Variants in ERP29 observed in about 807,000 individuals in gnomAD.
ERP29 encodes the protein endoplasmic reticulum protein 29.
ERP29 carries 14 observed loss-of-function variants against 21.7 expected under a neutral mutation model. The ratio of observed to expected loss-of-function variants is 0.64; its 90% CI spans 0.43 to 1.01. The LOEUF (loss-of-function observed/expected upper bound fraction) is 1.01. ERP29 is among the 50% of genes least tolerant of loss of function. The probability of loss-of-function intolerance (pLI) is 0.00; values close to 1 mark genes in which losing one functional copy is unlikely to be tolerated. For synonymous variants in ERP29, 129 were observed against 139.1 expected (o/e 0.93, Z 0.51); for missense variants, 286 against 327.3 (o/e 0.87, Z 0.97).
Position 112,022,815 on chromosome 12 carries a change from A to G in ERP29, c.*163A>G, listed in dbSNP as rs1302649670. ...CCTGGACATTGATGCTAACATGACCATGCTTGGGATGTCTCTAGCTGGTCT... is the reference window on the plus strand; with the variant it reads ...CCTGGACATTGATGCTAACATGACCGTGCTTGGGATGTCTCTAGCTGGTCT... On this transcript the variant is annotated 3_prime_UTR_variant, in exon 3 of 3. Coordinates refer to ENST00000261735, the MANE Select transcript of ERP29 (RefSeq NM_006817.4). 5 of 688,730 alleles carry G rather than the reference A, an allele frequency of 7.3e-6. No homozygotes were observed. Among genetic ancestry groups the G allele is most frequent in the Non-Finnish European group, 1.2e-5 (5 of 418,514 alleles). 42.7% of individuals were successfully genotyped at this position (688,730 alleles called of 1,614,324 possible). A position where few individuals can be genotyped will look rare whatever the true frequency, so the allele number is the denominator to read the frequency against.
chr12:112,014,610 A>C (rs2077988172), intron 1 of ERP29: 1 of 152,196 alleles, frequency 6.6e-6, no homozygotes, highest in Non-Finnish European at 1.5e-5. Flanking sequence ...TCCTGGCCTG[A>C]GTAAATGGAC....
At chr12:112,022,045 C>T (rs80350869) in intron 2 of ERP29, 105 bp from the exon 3 acceptor site, 81,508 of 1,175,850 alleles carry the variant, frequency 0.069, 3,134 homozygotes, top group Middle Eastern at 0.13. Context: ...AACCATTACA[C>T]GGCCAAGAAA....
At chr12:112,021,469 TTTG>T (rs1386238236) in intron 2 of ERP29, among the ~76,000 whole-genome samples, 2 of 151,938 alleles carry the variant, frequency 1.3e-5, no homozygotes, top group African/African-American at 4.8e-5. Flanking sequence ...TGTTTATGTG[TTTG>T]TTATGTCTCT....
rs2078058235 is a variant in ERP29 at position 112,022,650 on chromosome 12, TA to T, written c.*3del. On this transcript the variant is annotated frameshift_variant and stop_lost, in exon 3 of 3. Transcript: ENST00000261735. LOFTEE classifies it high-confidence loss of function. ...GAAGGGGGCCGAGAAAGAGGAGCTG[TA>T]AAAAGGCTGTCTGTGATTTTCCAGG... ...QKKGAEKEEL[*>X] 6.2e-7 allele frequency: 1 copy of T among 1,601,638 alleles called. No homozygotes were observed. Among genetic ancestry groups the T allele is most frequent in the Non-Finnish European group, 8.5e-7 (1 of 1,173,840 alleles).
intron 1 of ERP29, among the ~76,000 whole-genome samples, chr12:112,017,783 CTT>C (rs1179680378): frequency 1.7e-4 from 21 of 124,126 alleles, no homozygotes; most frequent in Admixed American, 3.3e-4. Context: ...CTTTTTTTTT[CTT>C]TTTTTTTTTT....
At chr12:112,014,064 A>G (rs577008462) in intron 1 of ERP29, among the ~76,000 whole-genome samples, 12 of 152,270 alleles carry the variant, frequency 7.9e-5, no homozygotes, top group Admixed American at 4.6e-4. Flanking sequence ...CCCTCTTCCC[A>G]GGGTTGGATT....
chr12:112,019,680 C>T, intron 1 of ERP29, 76 bp from the exon 2 acceptor site: 1 of 1,564,006 alleles, frequency 6.4e-7, no homozygotes, highest in Non-Finnish European at 8.8e-7. Flanking sequence ...ATTTCTTAAA[C>T]AGGGGCCCCT....
At chr12:112,019,322 C>T (rs2078030847) in intron 1 of ERP29, 1 of 253,152 alleles carries the variant, frequency 4.0e-6, no homozygotes, top group East Asian at 1.0e-4. Flanking sequence ...AAGCGTCCTC[C>T]ATGATGCCAA....
intron 1 of ERP29, among the ~76,000 whole-genome samples, chr12:112,017,454 TAAAG>T (rs2078018300): frequency 6.6e-6 from 1 of 152,044 alleles, no homozygotes; most frequent in Admixed American, 6.5e-5. Flanking sequence ...CCTTGAACGA[TAAAG>T]AGATAACCAT....
At chr12:112,016,923 CAA>C (rs1389448088) in intron 1 of ERP29, among the ~76,000 whole-genome samples, 4 of 151,988 alleles carry the variant, frequency 2.6e-5, no homozygotes, top group African/African-American at 7.2e-5. Context: ...ACTAAGATAA[CAA>C]GAGAAAATTC....
At chr12:112,020,211 G>C (rs1489976329) in intron 2 of ERP29, among the ~76,000 whole-genome samples, 1 of 152,086 alleles carries the variant, frequency 6.6e-6, no homozygotes, top group Non-Finnish European at 1.5e-5. Context: ...CTGGGCAGAG[G>C]GGGTGCTATG....
chr12:112,022,637 G>A lies in ERP29; in HGVS notation c.771G>A (p.Glu257=), dbSNP rs746335215. 3 of 1,609,096 alleles carry A rather than the reference G, an allele frequency of 1.9e-6. No individual in the cohort carries two copies. The highest frequency in any genetic ancestry group is 1.1e-5 in the South Asian group (1 of 90,516). ...CTGCCTTCCAGAAGAAGGGGGCCGA[G>A]AAAGAGGAGCTGTAAAAAGGCTGTC... The part of the protein sequence containing the change: ...ILTAFQKKGA[E]KEEL Residue 257 remains glutamate (E), a synonymous_variant, in exon 3 of 3, where the codon GAG becomes GAA. Coordinates refer to ENST00000261735, the MANE Select transcript of ERP29 (RefSeq NM_006817.4).
intron 1 of ERP29, among the ~76,000 whole-genome samples, chr12:112,014,258 A>G (rs904663509): frequency 1.3e-5 from 2 of 152,254 alleles, no homozygotes; most frequent in Admixed American, 6.5e-5. Flanking sequence ...AGCTAGCACT[A>G]CAGCCTGAGC....
chr12:112,020,724 C>G (rs1262143391), intron 2 of ERP29, among the ~76,000 whole-genome samples: 3 of 152,162 alleles, frequency 2.0e-5, no homozygotes, highest in African/African-American at 7.2e-5. Flanking sequence ...TCCCTTGGTG[C>G]TTTTATTAGA....
Position 112,019,769 on chromosome 12 carries a change from G to A in ERP29, c.158G>A (p.Ser53Asn). ...TVTFYKVIPK[S>N]KFVLVKFDTQ... ...ATACGCCCTCAGGTCATTCCCAAAA[G>A]CAAGTTCGTCTTGGTGAAGTTCGAC... The change falls in exon 2 of 3, where the codon AGC becomes AAC. Residue 53 changes from serine to asparagine, a missense_variant. Physicochemically the swap from Ser to Asn is conservative, Grantham distance 46. Transcript: ENST00000261735. 1 of 1,614,042 alleles carries A rather than the reference G, an allele frequency of 6.2e-7. No individual in the cohort carries two copies. Among genetic ancestry groups the A allele is most frequent in the Non-Finnish European group, 8.5e-7 (1 of 1,180,004 alleles).
intron 1 of ERP29, among the ~76,000 whole-genome samples, chr12:112,015,730 T>C (rs1363866634): frequency 6.6e-6 from 1 of 152,206 alleles, no homozygotes. Flanking sequence ...CAATAGCCTC[T>C]TCTCTGGTCT....
At chr12:112,021,376 C>T (rs913368962) in intron 2 of ERP29, among the ~76,000 whole-genome samples, 1 of 152,312 alleles carries the variant, frequency 6.6e-6, no homozygotes, top group African/African-American at 2.4e-5. Flanking sequence ...ACAGGGAGGC[C>T]TGCCTTGACC....
intron 1 of ERP29, among the ~76,000 whole-genome samples, chr12:112,018,574 T>C (rs2078027383): frequency 6.6e-6 from 1 of 152,196 alleles, no homozygotes; most frequent in Admixed American, 6.5e-5. Flanking sequence ...AACTTGTGCA[T>C]TGGGAGAAAC....
chr12:112,022,386 G>A lies in ERP29; in HGVS notation c.520G>A (p.Val174Met). 6.2e-7 allele frequency: 1 copy of A among 1,614,184 alleles called. No individual in the cohort carries two copies. The highest frequency in any genetic ancestry group is 8.5e-7 in the Non-Finnish European group (1 of 1,180,006). ...CGGGGAGTTCATCAGGGCCTCTGGT[G>A]TGGAGGCCCGCCAGGCCCTCTTGAA... is the stretch of plus-strand genomic sequence containing the variant. Reference protein sequence around the residue: ...LAGEFIRASGVEARQALLKQG... With the variant: ...LAGEFIRASGMEARQALLKQG... The change falls in exon 3 of 3, where the codon GTG (valine) becomes ATG (methionine). Residue 174 changes from valine (V) to methionine (M), a missense_variant. By Grantham distance (21) the Val-to-Met change is conservative. Transcript: ENST00000261735.
Sources: gnomAD v4.1 joint callset for allele counts (sites outside exome capture counted in the v4.1 genomes callset) on GRCh38, gnomAD v4.1.1 for gene constraint, MANE v1.5 for transcripts, NCBI Gene and HGNC (gene_info 2026-07-23, HGNC 2026-07-21) for gene names.